The following MAST4 variants were observed in gnomAD, a reference collection of about 807,000 sequenced individuals.
The protein encoded by MAST4 is microtubule associated serine/threonine kinase family member 4, also known as microtubule-associated serine/threonine-protein kinase 4.
MAST4 carries 89 observed loss-of-function variants against 162.7 expected under a neutral mutation model. The ratio of observed to expected loss-of-function variants is 0.55; its 90% CI spans 0.46 to 0.65. The LOEUF (loss-of-function observed/expected upper bound fraction) is 0.65, where lower values mean the gene tolerates loss of function less well. Among genes scored for constraint, MAST4 ranks in the 30% least tolerant of loss-of-function variants. MAST4 has a pLI of 0.00. For missense variants in MAST4, 3,153 were observed against 3,374.0 expected, an observed-to-expected ratio of 0.93 and a Z score of 1.62; for synonymous variants, 1,479 against 1,361.1, an observed-to-expected ratio of 1.09 and a Z score of -1.91.
At chr5:66,756,384 A>T (rs1284790926) in intron 1 of MAST4, among the ~76,000 whole-genome samples, 1 of 152,186 alleles carries the variant, frequency 6.6e-6, no homozygotes, top group African/African-American at 2.4e-5. Context: ...CTCTAGGAGT[A>T]CACAGCCTGC....
At chr5:67,131,153 TTACTAGA>T (rs1768920499) in intron 15 of MAST4, among the ~76,000 whole-genome samples, 1 of 152,106 alleles carries the variant, frequency 6.6e-6, no homozygotes, top group South Asian at 2.1e-4. Flanking sequence ...AAAGGAAGAC[TTACTAGA>T]TAGAGTGGTA....
At chr5:66,953,818 G>A (rs1330856391) in intron 4 of MAST4, among the ~76,000 whole-genome samples, 1 of 152,068 alleles carries the variant, frequency 6.6e-6, no homozygotes, top group Non-Finnish European at 1.5e-5. Flanking sequence ...TTTGTTGTGG[G>A]GCAATATCTG....
chr5:66,854,323 T>C (rs1759522617), intron 3 of MAST4, among the ~76,000 whole-genome samples: 1 of 152,246 alleles, frequency 6.6e-6, no homozygotes. Context: ...ATACTGGTTA[T>C]CTATGGAGTT....
chr5:67,046,363 T>C lies in MAST4; in HGVS notation c.675-8041T>C, dbSNP rs1757371119. Among the ~76,000 whole-genome samples the C allele has an allele frequency of 2.0e-5, 3 of 152,230 alleles. No individual in the cohort carries two copies. The South Asian group carries it at 6.2e-4, about 32-fold the overall frequency. ...GTGTATTCTGTAAAATTCTACTGTTTATTGTTTATGAAAATGTGTTTAAAA... is the reference window on the plus strand; with the variant it reads ...GTGTATTCTGTAAAATTCTACTGTTCATTGTTTATGAAAATGTGTTTAAAA... On this transcript the variant is annotated intron_variant, in intron 4 of 28. Coordinates refer to ENST00000403625, the MANE Select transcript of MAST4 (RefSeq NM_001164664.2).
At chr5:67,130,735 T>A (rs1384704087) in intron 15 of MAST4, among the ~76,000 whole-genome samples, 1 of 152,218 alleles carries the variant, frequency 6.6e-6, no homozygotes, top group Non-Finnish European at 1.5e-5. Context: ...TTATTTTTAT[T>A]ACATATCATA....
intron 4 of MAST4, among the ~76,000 whole-genome samples, chr5:66,927,217 T>C (rs1764968655): frequency 6.6e-6 from 1 of 152,190 alleles, no homozygotes; most frequent in South Asian, 2.1e-4. Context: ...AAGCAGAGAA[T>C]TACATTTAAG....
At chr5:67,157,309 G>A (rs762063053) in intron 26 of MAST4, among the ~76,000 whole-genome samples, 1 of 152,206 alleles carries the variant, frequency 6.6e-6, no homozygotes, top group Non-Finnish European at 1.5e-5. Flanking sequence ...TTTGGCGTAT[G>A]CCTGTAAGTT....
intron 14 of MAST4, among the ~76,000 whole-genome samples, chr5:67,127,956 C>CT (rs1768464680): frequency 6.6e-6 from 1 of 152,132 alleles, no homozygotes; most frequent in Admixed American, 6.6e-5. Context: ...GTAAACCAGA[C>CT]TTACAATATA....
rs528220379 is a variant in MAST4 at position 67,145,517 on chromosome 5, T to C, written c.3094+138T>C. On this transcript the variant is annotated intron_variant, in intron 23 of 28. Transcript: ENST00000403625. ...AGACTTTCTCCATGGCCTCAGTCCT[T>C]AGGCTTGGGACACGATCTTCTGAGA... 511 of 675,158 alleles carry C rather than the reference T, an allele frequency of 7.6e-4. 1 individual carries two copies. The highest frequency in any genetic ancestry group is 5.4e-3 in the Middle Eastern group (13 of 2,420). 41.8% of individuals were successfully genotyped at this position (675,158 alleles called of 1,614,324 possible).
Position 67,145,388 on chromosome 5 carries a change from C to G in MAST4, c.3094+9C>G. On this transcript the variant is annotated intron_variant, in intron 23 of 28. Transcript: ENST00000403625. ...CAGCTCCACCCTGTCAGGTAAGCCC[C>G]GGGCCATAGTGCCTGCTGTCCTCCT... 1.9e-6 allele frequency: 3 copies of G among 1,609,848 alleles called. No homozygotes were observed. The highest frequency in any genetic ancestry group is 2.5e-6 in the Non-Finnish European group (3 of 1,177,986).
chr5:67,133,765 T>A, intron 17 of MAST4, 119 bp downstream of exon 17: 1 of 1,119,206 alleles, frequency 8.9e-7, no homozygotes, highest in Non-Finnish European at 1.3e-6. Context: ...GATGTCTGTA[T>A]AAACCTTACA....
intron 1 of MAST4, among the ~76,000 whole-genome samples, chr5:66,643,927 C>A (rs777572702): frequency 6.9e-6 from 1 of 145,430 alleles, no homozygotes; most frequent in Non-Finnish European, 1.5e-5. Context: ...AAATAGCCTT[C>A]AGAAGTATAA....
chr5:67,032,974 A>G (rs1431775977), intron 4 of MAST4, among the ~76,000 whole-genome samples: 3 of 152,126 alleles, frequency 2.0e-5, no homozygotes, highest in Admixed American at 2.0e-4. Context: ...CAACACTAAG[A>G]TAATTACTTT....
chr5:67,010,885 G>T (rs1752589176), intron 4 of MAST4, among the ~76,000 whole-genome samples: 1 of 152,124 alleles, frequency 6.6e-6, no homozygotes, highest in African/African-American at 2.4e-5. Flanking sequence ...CAAGGACTTG[G>T]AGAACAGGGG....
At chr5:66,858,827 G>T (rs948923642) in intron 3 of MAST4, among the ~76,000 whole-genome samples, 3 of 151,954 alleles carry the variant, frequency 2.0e-5, no homozygotes, top group African/African-American at 7.3e-5. Flanking sequence ...ATTCATTTGT[G>T]CCTATTAAGC....
intron 4 of MAST4, among the ~76,000 whole-genome samples, chr5:67,019,472 A>G (rs1174149435): frequency 6.6e-6 from 1 of 152,202 alleles, no homozygotes; most frequent in East Asian, 1.9e-4. Context: ...TCAAGATCTA[A>G]ACTTTATCCC....
intron 4 of MAST4, among the ~76,000 whole-genome samples, chr5:66,962,221 A>G (rs927049820): frequency 1.3e-5 from 2 of 152,216 alleles, no homozygotes; most frequent in African/African-American, 4.8e-5. Context: ...TCTCTGAGAT[A>G]GGAAAACATG....
At chr5:66,667,023 C>T (rs1747306457) in intron 1 of MAST4, among the ~76,000 whole-genome samples, 1 of 152,112 alleles carries the variant, frequency 6.6e-6, no homozygotes, top group Non-Finnish European at 1.5e-5. Context: ...GAGGCGTAGC[C>T]AGATGCAAAG....
chr5:66,965,211 T>G lies in MAST4; in HGVS notation c.674+65229T>G, dbSNP rs898618813. ...AGGTCCTAAAACATAAGAGTAGTTT[T>G]TTTTTTTTTTTTGCTTTTTTTTTTT... On this transcript the variant is annotated intron_variant, in intron 4 of 28. Transcript: ENST00000403625. Among the ~76,000 whole-genome samples the G allele has an allele frequency of 3.3e-5, 5 of 150,620 alleles. No homozygotes were observed. In the East Asian group the frequency reaches 7.8e-4, roughly 23 times the overall value.
Sources: allele counts gnomAD v4.1 joint callset (sites outside exome capture counted in the v4.1 genomes callset), GRCh38; gene constraint gnomAD v4.1.1; transcripts MANE v1.5; gene names NCBI Gene and HGNC (gene_info 2026-07-23, HGNC 2026-07-21).